PALM2AKAP2: variants seen among roughly 807,000 people sequenced by gnomAD.
PALM2AKAP2 encodes the protein PALM2 and AKAP2 fusion.
Under a neutral mutation model 71.5 loss-of-function variants are expected in PALM2AKAP2, and 37 were observed. That is an observed-to-expected ratio of 0.52 (90% CI 0.40 to 0.68). The LOEUF is 0.68. PALM2AKAP2 is among the 30% of genes least tolerant of loss of function. The pLI, the probability that PALM2AKAP2 is intolerant of heterozygous loss-of-function variation, is 0.00. For synonymous variants in PALM2AKAP2, 468 were observed against 478.8 expected (o/e 0.98, Z 0.29); for missense variants, 1,224 against 1,191.8 (o/e 1.03, Z -0.40).
chr9:110,137,399 G>T (rs768179844), exon 2 of PALM2AKAP2: 4 of 1,613,982 alleles, frequency 2.5e-6, no homozygotes, highest in Non-Finnish European at 3.4e-6. Flanking sequence ...TGCCTCAGCC[G>T]CCAAGGGACA....
exon 4 of PALM2AKAP2, chr9:110,171,352 C>CT (rs1435608024): frequency 3.3e-5 from 5 of 152,194 alleles, no homozygotes; most frequent in African/African-American, 1.2e-4. Flanking sequence ...TTCTGGGACT[C>CT]TCCCACAGTC....
At chr9:110,017,159 A>G (rs759487373) in intron 7 of PALM2AKAP2, among the ~76,000 whole-genome samples, 12 of 152,346 alleles carry the variant, frequency 7.9e-5, no homozygotes, top group Admixed American at 3.3e-4. Flanking sequence ...GATTACAGGC[A>G]TGAGCCAAAC....
At chr9:110,071,163 C>CAAAAAAAAAAAAAAA (rs768229567) in intron 1 of PALM2AKAP2, among the ~76,000 whole-genome samples, 28 of 101,832 alleles carry the variant, frequency 2.7e-4, no homozygotes, top group African/African-American at 3.7e-4. Context: ...GACTCTGTTT[C>CAAAAAAAAAAAAAAA]AAAAAAAAAA....
intron 6 of PALM2AKAP2, among the ~76,000 whole-genome samples, chr9:109,975,385 T>C (rs1012719020): frequency 7.2e-5 from 11 of 152,184 alleles, no homozygotes; most frequent in African/African-American, 2.7e-4. Context: ...CTTCCTCCAC[T>C]TTTGTGTTCT....
chr9:110,016,965 C>T (rs889987883), intron 7 of PALM2AKAP2, among the ~76,000 whole-genome samples: 3 of 152,044 alleles, frequency 2.0e-5, no homozygotes, highest in Admixed American at 6.6e-5. Flanking sequence ...CTGCAAGCTC[C>T]GCCTCCCGGG....
chr9:110,172,334 G>A (rs1424346300), exon 4 of PALM2AKAP2: 2 of 152,292 alleles, frequency 1.3e-5, no homozygotes, highest in Non-Finnish European at 2.9e-5. Context: ...TTTGGGGGAG[G>A]AGGGGAAAAA....
chr9:109,814,305 A>G lies in PALM2AKAP2; in HGVS notation c.45+33772A>G, dbSNP rs545373587. Among the ~76,000 whole-genome samples, 5 of 152,338 alleles carry G rather than the reference A, an allele frequency of 3.3e-5. No homozygotes were observed. In the South Asian group the frequency reaches 6.2e-4, roughly 19 times the overall value. Reference sequence around the variant, plus strand: ...AATGGAAATGCACCTGCTTTTAAATATATACTTAATGCACAAGTGTCAATG... The same window carrying G: ...AATGGAAATGCACCTGCTTTTAAATGTATACTTAATGCACAAGTGTCAATG... On this transcript the variant is annotated intron_variant, in intron 1 of 9. Coordinates refer to the PALM2AKAP2 transcript ENST00000302798.
intron 1 of PALM2AKAP2, among the ~76,000 whole-genome samples, chr9:109,866,556 T>C (rs1829453347): frequency 6.6e-6 from 1 of 152,184 alleles, no homozygotes; most frequent in Non-Finnish European, 1.5e-5. Context: ...GGAAAGGTTA[T>C]AGTGGAAATG....
intron 1 of PALM2AKAP2, among the ~76,000 whole-genome samples, chr9:110,107,913 G>A (rs1835155630): frequency 6.6e-6 from 1 of 152,106 alleles, no homozygotes; most frequent in Non-Finnish European, 1.5e-5. Flanking sequence ...ACAATATTGT[G>A]AATGTAAGCA....
intron 3 of PALM2AKAP2, among the ~76,000 whole-genome samples, chr9:109,923,479 C>G (rs574344090): frequency 1.3e-5 from 2 of 152,300 alleles, no homozygotes; most frequent in East Asian, 1.9e-4. Flanking sequence ...AGGGAAACAT[C>G]GAAACATATT....
chr9:109,698,758 T>C (rs17202273), intron 1 of PALM2AKAP2, among the ~76,000 whole-genome samples: 39,146 of 152,080 alleles, frequency 0.26, 5,171 homozygotes, highest in East Asian at 0.38. Context: ...TTTGTTCACG[T>C]GTTCTTTCAT....
Position 109,865,096 on chromosome 9 carries a change from C to CTTTTTTTTTTTTTTTTTTTTTT in PALM2AKAP2, c.46-2375_46-2374insTTTTTTTTTTTTTTTTTTTTTT, listed in dbSNP as rs58922983. ...GTATCTACCTAAATCCTACTCATTC[C>CTTTTTTTTTTTTTTTTTTTTTT]TTTTTTTTTTTTTTTTTTTTGAGAC... On this transcript the variant is annotated intron_variant, in intron 1 of 9. Transcript: ENST00000302798. Among the ~76,000 whole-genome samples the CTTTTTTTTTTTTTTTTTTTTTT allele has an allele frequency of 4.0e-5, 3 of 75,648 alleles. 1 individual carries two copies. Among genetic ancestry groups the CTTTTTTTTTTTTTTTTTTTTTT allele is most frequent in the Non-Finnish European group, 2.3e-5 (1 of 43,924 alleles). 49.6% of individuals were successfully genotyped at this position (75,648 alleles called of 152,430 possible). A position where few individuals can be genotyped will look rare whatever the true frequency, so the allele number is the denominator to read the frequency against.
At chr9:109,825,257 C>G (rs951241853) in intron 1 of PALM2AKAP2, among the ~76,000 whole-genome samples, 2 of 152,068 alleles carry the variant, frequency 1.3e-5, no homozygotes, top group Non-Finnish European at 2.9e-5. Context: ...CCATAAAAAC[C>G]CTAGAAGAAA....
intron 6 of PALM2AKAP2, chr9:109,942,710 T>G (rs752960126): frequency 6.3e-7 from 1 of 1,594,462 alleles, no homozygotes; most frequent in Non-Finnish European, 8.5e-7. Flanking sequence ...GAAATTAATG[T>G]GGAGAAAGAC....
At chr9:109,984,987 C>T (rs1832345368) in intron 6 of PALM2AKAP2, among the ~76,000 whole-genome samples, 1 of 152,050 alleles carries the variant, frequency 6.6e-6, no homozygotes, top group African/African-American at 2.4e-5. Flanking sequence ...CCAGCCTGGC[C>T]AACATGGTGA....
chr9:110,162,997 C>A (rs1836641401), intron 3 of PALM2AKAP2, among the ~76,000 whole-genome samples: 1 of 152,130 alleles, frequency 6.6e-6, no homozygotes, highest in African/African-American at 2.4e-5. Flanking sequence ...CAGGTGTGAG[C>A]CACTGTTCTC....
rs574948066 is a variant in PALM2AKAP2 at position 110,006,340 on chromosome 9, T to A, written c.497-9614T>A. Among the ~76,000 whole-genome samples the A allele has an allele frequency of 2.8e-3, 371 of 133,318 alleles. 4 individuals carry two copies. Among genetic ancestry groups the A allele is most frequent in the African/African-American group, 0.01 (363 of 34,826 alleles). 87.5% of individuals were successfully genotyped at this position (133,318 alleles called of 152,430 possible). On this transcript the variant is annotated intron_variant, in intron 6 of 9. Transcript: ENST00000302798. Reference sequence around the variant, plus strand: ...TCCTTCCTTCTCTTTCTTTCTTTCTTTCTTTCTTTCTTTCTTTCTTTCTTT... The same window carrying A: ...TCCTTCCTTCTCTTTCTTTCTTTCTATCTTTCTTTCTTTCTTTCTTTCTTT...
chr9:110,112,452 A>C (rs545003846), intron 1 of PALM2AKAP2, among the ~76,000 whole-genome samples: 4 of 152,332 alleles, frequency 2.6e-5, no homozygotes, highest in Admixed American at 6.5e-5. Context: ...ATGAGGATTT[A>C]TTGAGATAAT....
At chr9:109,893,571 G>A (rs1195510906) in intron 3 of PALM2AKAP2, among the ~76,000 whole-genome samples, 1 of 152,120 alleles carries the variant, frequency 6.6e-6, no homozygotes, top group East Asian at 1.9e-4. Context: ...TTAGCCTCCA[G>A]AGTAGCTGGG....
Sources: allele counts gnomAD v4.1 joint callset (sites outside exome capture counted in the v4.1 genomes callset), GRCh38; gene constraint gnomAD v4.1.1; transcripts MANE v1.5; gene names NCBI Gene and HGNC (gene_info 2026-07-23, HGNC 2026-07-21).